MED12L: variants seen among roughly 807,000 people sequenced by gnomAD.
The protein encoded by MED12L is mediator complex subunit 12L.
MED12L carries 60 observed loss-of-function variants against 281.3 expected under a neutral mutation model. The ratio of observed to expected loss-of-function variants is 0.21; its 90% CI spans 0.17 to 0.26. The LOEUF (loss-of-function observed/expected upper bound fraction) is 0.26, where lower values mean the gene tolerates loss of function less well. Ranked by LOEUF, MED12L falls within the 10% of genes least tolerant of loss-of-function variation. The pLI is 1.00. For synonymous variants in MED12L, 974 were observed against 987.2 expected (o/e 0.99, Z 0.25); for missense variants, 2,146 against 2,680.9 (o/e 0.80, Z 4.41).
intron 14 of MED12L, among the ~76,000 whole-genome samples, chr3:151,191,382 CAT>C (rs1723964061): frequency 6.6e-6 from 1 of 152,194 alleles, no homozygotes; most frequent in South Asian, 2.1e-4. Context: ...AGTCACAACA[CAT>C]ATTTTCATTT....
intron 39 of MED12L, among the ~76,000 whole-genome samples, chr3:151,397,399 G>A: frequency 6.6e-6 from 1 of 152,214 alleles, no homozygotes; most frequent in East Asian, 1.9e-4. Context: ...ACGATGTACA[G>A]TGATCCTGTA....
chr3:151,243,413 A>C (rs1559927260), intron 16 of MED12L, among the ~76,000 whole-genome samples: 2 of 35,518 alleles, frequency 5.6e-5, no homozygotes, highest in African/African-American at 5.6e-4. Context: ...CTAACAGCGG[A>C]TCTCTCGGCA....
intron 2 of MED12L, among the ~76,000 whole-genome samples, chr3:151,099,377 G>C (rs1360508328): frequency 1.3e-5 from 2 of 152,046 alleles, no homozygotes; most frequent in African/African-American, 2.4e-5. Flanking sequence ...TACTGTGTTA[G>C]AAATTAAAAC....
intron 5 of MED12L, among the ~76,000 whole-genome samples, chr3:151,143,233 T>C (rs981077286): frequency 2.2e-4 from 34 of 152,218 alleles, no homozygotes; most frequent in Admixed American, 1.8e-3. Flanking sequence ...TCTGGCAATA[T>C]GATGTCTGTC....
At chr3:151,237,759 AT>A (rs991075307) in intron 16 of MED12L, among the ~76,000 whole-genome samples, 3 of 152,140 alleles carry the variant, frequency 2.0e-5, no homozygotes, top group South Asian at 4.2e-4. Context: ...CAGATTAAAA[AT>A]TTTTTTCTTA....
intron 44 of MED12L, among the ~76,000 whole-genome samples, chr3:151,431,819 T>G (rs1201170641): frequency 6.6e-6 from 1 of 152,226 alleles, no homozygotes. Context: ...GGACTTTCCA[T>G]GTATTGATTT....
At chr3:151,341,670 ACACC>A (rs1560051128) in intron 16 of MED12L, among the ~76,000 whole-genome samples, 1 of 151,558 alleles carries the variant, frequency 6.6e-6, no homozygotes, top group African/African-American at 2.4e-5. Context: ...CTGGTGTGCT[ACACC>A]CATTAACTCG....
At position 151,411,441 on chromosome 3, in the gene MED12L, A is replaced by G. The variant is rs1716923009; in HGVS notation, c.6074A>G (p.Gln2025Arg). 6.2e-7 allele frequency: 1 copy of G among 1,614,102 alleles called. No homozygotes were observed. The highest frequency in any genetic ancestry group is 1.7e-5 in the Admixed American group (1 of 60,012). ...VLMERLRQIQQQPSGYVQQQA... is the reference protein window; with the variant it reads ...VLMERLRQIQRQPSGYVQQQA... ...ATGGAAAGACTCAGACAGATTCAGC[A>G]GCAGCCGAGTGGCTATGTTCAGCAG... Residue 2025 changes from glutamine (Q) to arginine (R), a missense_variant, in exon 41 of 45, where the codon CAG becomes CGG. Gln to Arg is a conservative substitution (Grantham distance 43, BLOSUM62 1). Around this residue, in one of 9 missense-constraint regions of MED12L, gnomAD observed 496 missense variants for 512.0 expected, o/e 0.97. Coordinates refer to ENST00000687756, the MANE Select transcript of MED12L (RefSeq NM_001393769.1).
intron 16 of MED12L, among the ~76,000 whole-genome samples, chr3:151,211,427 A>C (rs2149208431): frequency 6.6e-6 from 1 of 151,134 alleles, no homozygotes; most frequent in African/African-American, 2.4e-5. Flanking sequence ...AGTTAGATAA[A>C]CAATTATAGC....
intron 26 of MED12L, among the ~76,000 whole-genome samples, chr3:151,371,626 T>C (rs16863344): frequency 0.062 from 9,446 of 152,288 alleles, 433 homozygotes; most frequent in Middle Eastern, 0.18. Context: ...TTCCATTAAC[T>C]TGGGCATTGT....
chr3:151,088,889 T>C (rs1413801441), intron 2 of MED12L, among the ~76,000 whole-genome samples: 1 of 152,186 alleles, frequency 6.6e-6, no homozygotes, highest in Non-Finnish European at 1.5e-5. Flanking sequence ...TCTTCTGATG[T>C]TATCCCCTTT....
At chr3:151,253,688 C>A (rs1008729170) in intron 16 of MED12L, among the ~76,000 whole-genome samples, 1 of 151,992 alleles carries the variant, frequency 6.6e-6, no homozygotes, top group African/African-American at 2.4e-5. Flanking sequence ...GCTGATGTTG[C>A]CCCAGTCTCA....
chr3:151,355,098 G>A (rs191954105), intron 17 of MED12L, 23 bp from the exon 18 acceptor site: 3 of 1,554,666 alleles, frequency 1.9e-6, no homozygotes, highest in African/African-American at 2.7e-5. Context: ...GGAAAATAAT[G>A]GATCTGCTTT....
intron 16 of MED12L, among the ~76,000 whole-genome samples, chr3:151,349,419 T>A (rs56957964): frequency 0.027 from 4,183 of 152,252 alleles, 183 homozygotes; most frequent in African/African-American, 0.096. Flanking sequence ...TAAATATACA[T>A]GTATCTCACA....
intron 39 of MED12L, among the ~76,000 whole-genome samples, chr3:151,402,259 T>C (rs1339512367): frequency 6.6e-6 from 1 of 152,210 alleles, no homozygotes; most frequent in Non-Finnish European, 1.5e-5. Flanking sequence ...AATATATCCT[T>C]TGGCATTTGA....
chr3:151,187,025 A>T (rs1040570410), intron 12 of MED12L, among the ~76,000 whole-genome samples: 1 of 152,230 alleles, frequency 6.6e-6, no homozygotes, highest in Non-Finnish European at 1.5e-5. Flanking sequence ...TAGGAAGAAC[A>T]TTTTATAGAC....
rs779992389 is a variant in MED12L, at chr3:151,199,198, A to C, written c.2250+5532A>C. 3 of 1,614,046 alleles carry C rather than the reference A, an allele frequency of 1.9e-6. No individual in the cohort carries two copies. The Admixed American group carries it at 5.0e-5, about 27-fold the overall frequency. On this transcript the variant is annotated intron_variant, in intron 16 of 44. Transcript: ENST00000687756. ...CAATTTTCACTGGTAATGCCAGAGT[A>C]AGCAGGAAATCGGCTGTAAGCAAAT...
At chr3:151,237,072 G>A (rs1158423584) in intron 16 of MED12L, among the ~76,000 whole-genome samples, 1 of 140,980 alleles carries the variant, frequency 7.1e-6, no homozygotes, top group African/African-American at 2.7e-5. Context: ...TTTTTGAGAC[G>A]GAATCTCGCT....
rs1254560943 is a variant in MED12L at position 151,095,777 on chromosome 3, A to G, written c.99+8752A>G. On this transcript the variant is annotated intron_variant, in intron 2 of 44. Coordinates refer to ENST00000687756, the MANE Select transcript of MED12L (RefSeq NM_001393769.1). ...AGATCCTAGCAAGGCTCAGTGGTGC[A>G]TGCCTGTAATCCCAGCTACTCTGGG... Among the ~76,000 whole-genome samples the G allele has an allele frequency of 5.9e-5, 9 of 152,050 alleles. 1 individual carries two copies. The East Asian group carries it at 1.7e-3, about 29-fold the overall frequency.
Sources: gnomAD v4.1 joint callset for allele counts (sites outside exome capture counted in the v4.1 genomes callset) on GRCh38, gnomAD v4.1.1 for gene constraint, gnomAD v4.1.1 regional missense constraint, MANE v1.5 for transcripts, NCBI Gene and HGNC (gene_info 2026-07-23, HGNC 2026-07-21) for gene names.